Variants in KDM3B observed in about 807,000 individuals in gnomAD.
The protein encoded by KDM3B is lysine demethylase 3B.
In KDM3B, 10 loss-of-function variants were observed where a neutral mutation model predicts 170.0. The observed-to-expected ratio is 0.06, with a 90% CI of 0.04 to 0.10. The LOEUF is 0.10. Among genes scored for constraint, KDM3B ranks in the 10% least tolerant of loss-of-function variants. The pLI is 1.00. For synonymous variants in KDM3B, 831 were observed against 834.8 expected (o/e 1.00, Z 0.08); for missense variants, 1,394 against 2,195.2 (o/e 0.64, Z 7.29).
Position 138,352,742 on chromosome 5 carries a change from G to C in KDM3B, c.-54G>C. 8.4e-7 allele frequency: 1 copy of C among 1,187,010 alleles called. No individual in the cohort carries two copies. Among genetic ancestry groups the C allele is most frequent in the Non-Finnish European group, 1.0e-6 (1 of 960,200 alleles). The allele number at this position is 1,187,010 out of a possible 1,614,324, so 73.5% of individuals were successfully genotyped here. On this transcript the variant is annotated 5_prime_UTR_variant, in exon 1 of 24. Transcript: ENST00000314358. ...CTTGCGGGCGGATCGGGCGCTTGGC[G>C]GCGGAGGTGGTGGGAGGCGGCGGGC... is the stretch of plus-strand genomic sequence containing the variant.
intron 23 of KDM3B, among the ~76,000 whole-genome samples, chr5:138,432,758 T>C (rs2127009970): frequency 6.6e-6 from 1 of 152,302 alleles, no homozygotes; most frequent in African/African-American, 2.4e-5. Context: ...AGTGTATCTT[T>C]TTTGGTTGTT....
At chr5:138,389,207 A>C (rs977963996) in intron 7 of KDM3B, among the ~76,000 whole-genome samples, 1 of 152,198 alleles carries the variant, frequency 6.6e-6, no homozygotes, top group Non-Finnish European at 1.5e-5. Flanking sequence ...GTTAGTAGGA[A>C]GATAAAAGAA....
Position 138,352,809 on chromosome 5 carries a change from C to T in KDM3B, c.14C>T (p.Ala5Val). ...CCGGCCCCGGCGATGGCGGACGCGGCGGCCTCCCCGGTGGGCAAGCGGCTG... is the reference window on the plus strand; with the variant it reads ...CCGGCCCCGGCGATGGCGGACGCGGTGGCCTCCCCGGTGGGCAAGCGGCTG... MADA[A>V]ASPVGKRLLL... The change falls in exon 1 of 24, where the codon GCG becomes GTG. Residue 5 changes from alanine (A) to valine (V), a missense_variant. Around this residue, in one of 19 missense-constraint regions of KDM3B, gnomAD observed 99 missense variants for 97.5 expected, o/e 1.02. Transcript: ENST00000314358. The T allele has an allele frequency of 7.7e-7, 1 of 1,306,188 alleles. No homozygotes were observed. Among genetic ancestry groups the T allele is most frequent in the Non-Finnish European group, 9.7e-7 (1 of 1,026,328 alleles). 80.9% of individuals were successfully genotyped at this position (1,306,188 alleles called of 1,614,324 possible).
At chr5:138,400,345 G>A (rs913676054) in intron 11 of KDM3B, among the ~76,000 whole-genome samples, 1 of 151,610 alleles carries the variant, frequency 6.6e-6, no homozygotes, top group Non-Finnish European at 1.5e-5. Context: ...GATCCTCCTC[G>A]ACCTCTCAGA....
chr5:138,387,810 A>C (rs530151845), intron 7 of KDM3B, among the ~76,000 whole-genome samples: 1 of 152,190 alleles, frequency 6.6e-6, no homozygotes, highest in Admixed American at 6.5e-5. Flanking sequence ...GGCCAGGCAC[A>C]GTAGCTCACA....
chr5:138,409,885 C>T (rs111788854), intron 11 of KDM3B, among the ~76,000 whole-genome samples: 6 of 152,246 alleles, frequency 3.9e-5, no homozygotes, highest in Admixed American at 2.0e-4. Flanking sequence ...GTTGGGAGTT[C>T]GAGACCAGCC....
At position 138,391,875 on chromosome 5, in the gene KDM3B, A is replaced by G; in HGVS notation, c.2243A>G (p.Glu748Gly). 2 of 1,614,094 alleles carry G rather than the reference A, an allele frequency of 1.2e-6. No homozygotes were observed. Among genetic ancestry groups the G allele is most frequent in the Non-Finnish European group, 1.7e-6 (2 of 1,179,972 alleles). The change falls in exon 8 of 24, where the codon GAG (glutamate) becomes GGG (glycine). Residue 748 changes from glutamate (E) to glycine (G), a missense_variant. Glu to Gly is a moderately conservative substitution (Grantham distance 98). Transcript: ENST00000314358. This position sits in a 1 kb window ranked among gnomAD's most constrained non-coding sequence, Gnocchi z 5.0. The part of the protein sequence containing the change: ...MPTLSSSPTE[E>G]RPTVGPGQQD... ...ACTCTCTCCTCTAGCCCCACAGAGGAGAGGCCAACTGTGGGGCCTGGGCAG... is the reference window on the plus strand; with the variant it reads ...ACTCTCTCCTCTAGCCCCACAGAGGGGAGGCCAACTGTGGGGCCTGGGCAG...
intron 4 of KDM3B, 145 bp from the exon 5 acceptor site, chr5:138,379,439 C>T: frequency 6.6e-6 from 4 of 604,100 alleles, no homozygotes; most frequent in Non-Finnish European, 1.1e-5. Flanking sequence ...TATGGTAAAT[C>T]TGGAATTGCT....
Position 138,398,346 on chromosome 5 carries a change from G to A in KDM3B, c.3000G>A (p.Gln1000=). Residue 1000 remains glutamine (Q), a synonymous_variant, in exon 10 of 24, where the codon CAG becomes CAA. Transcript: ENST00000314358. Reference sequence around the variant, plus strand: ...CCAATGTTGGGGACCAGTTCTGCCAGCTCGTAATGTCTGAGAAGGAGGCCA... The same window carrying A: ...CCAATGTTGGGGACCAGTTCTGCCAACTCGTAATGTCTGAGAAGGAGGCCA... The part of the protein sequence containing the change: ...ILANVGDQFC[Q]LVMSEKEAMM... 1 of 1,614,180 alleles carries A rather than the reference G, an allele frequency of 6.2e-7. No individual in the cohort carries two copies. Among genetic ancestry groups the A allele is most frequent in the Non-Finnish European group, 8.5e-7 (1 of 1,180,014 alleles).
intron 1 of KDM3B, among the ~76,000 whole-genome samples, chr5:138,355,748 C>T (rs922204571): frequency 2.0e-5 from 3 of 151,966 alleles, no homozygotes; most frequent in East Asian, 1.9e-4. Flanking sequence ...ACCTTGGGAC[C>T]GTCACGTATA....
chr5:138,407,884 G>A (rs1399603770), intron 11 of KDM3B, among the ~76,000 whole-genome samples: 3 of 152,186 alleles, frequency 2.0e-5, no homozygotes, highest in Non-Finnish European at 2.9e-5. Context: ...AGCGGGGAAT[G>A]ATACAGGTGT....
intron 1 of KDM3B, among the ~76,000 whole-genome samples, chr5:138,360,677 T>C (rs1210535964): frequency 1.3e-5 from 2 of 151,784 alleles, no homozygotes; most frequent in East Asian, 3.9e-4. Context: ...GTTCAAGTGA[T>C]TCTCCTGCCT....
chr5:138,424,924 T>C (rs553649594), intron 16 of KDM3B, among the ~76,000 whole-genome samples: 1 of 152,338 alleles, frequency 6.6e-6, no homozygotes, highest in African/African-American at 2.4e-5. Context: ...TTGATATCTT[T>C]AGAGAAAAAT....
chr5:138,363,696 G>A (rs1420054949), intron 1 of KDM3B, among the ~76,000 whole-genome samples: 1 of 151,362 alleles, frequency 6.6e-6, no homozygotes, highest in Non-Finnish European at 1.5e-5. Flanking sequence ...ACAGGCTCCC[G>A]CCACCACACC....
At chr5:138,385,656 AAAGT>A (rs1390607547) in intron 6 of KDM3B, among the ~76,000 whole-genome samples, 4 of 152,252 alleles carry the variant, frequency 2.6e-5, no homozygotes, top group South Asian at 2.1e-4. Flanking sequence ...AATATGTAAT[AAAGT>A]GAGTTATTTC....
At chr5:138,419,632 G>T (rs1763203390) in intron 14 of KDM3B, among the ~76,000 whole-genome samples, 1 of 128,512 alleles carries the variant, frequency 7.8e-6, no homozygotes, top group South Asian at 2.6e-4. Context: ...TCCAGCCTGG[G>T]TAACAGCAAG....
intron 2 of KDM3B, among the ~76,000 whole-genome samples, chr5:138,374,580 T>G (rs1028353586): frequency 6.6e-6 from 1 of 152,214 alleles, no homozygotes; most frequent in African/African-American, 2.4e-5. Context: ...TAAGGCCACT[T>G]TCCAGTTGAA....
At chr5:138,363,924 T>TC (rs1307323933) in intron 1 of KDM3B, among the ~76,000 whole-genome samples, 1 of 151,054 alleles carries the variant, frequency 6.6e-6, no homozygotes, top group East Asian at 1.9e-4. Flanking sequence ...CTTTTTTTTT[T>TC]TTTTTCGAGA....
At chr5:138,414,839 T>C (rs11951327) in intron 11 of KDM3B, among the ~76,000 whole-genome samples, 60,787 of 151,954 alleles carry the variant, frequency 0.4, 12,469 homozygotes, top group East Asian at 0.58. Context: ...CTCCTGTAGT[T>C]CCAGCTACTT....
Sources: allele counts gnomAD v4.1 joint callset (sites outside exome capture counted in the v4.1 genomes callset), GRCh38; gene constraint gnomAD v4.1.1; regional missense constraint gnomAD v4.1.1; non-coding constraint Gnocchi (gnomAD v3.1); transcripts MANE v1.5; gene names NCBI Gene and HGNC (gene_info 2026-07-23, HGNC 2026-07-21).